Variants in TANGO2 observed in about 807,000 individuals in gnomAD.
The protein encoded by TANGO2 is transport and golgi organization 2 homolog.
In TANGO2, 26 loss-of-function variants were observed where a neutral mutation model predicts 39.1. The observed-to-expected ratio is 0.67, with a 90% CI of 0.49 to 0.92. The LOEUF is 0.92. Among genes scored for constraint, TANGO2 ranks in the 40% least tolerant of loss-of-function variants. The pLI is 0.00. For missense variants in TANGO2, 326 were observed against 360.1 expected, an observed-to-expected ratio of 0.91 and a Z score of 0.77; for synonymous variants, 131 against 144.5, an observed-to-expected ratio of 0.91 and a Z score of 0.67.
At chr22:20,051,948 G>A (rs949727969) in intron 3 of TANGO2, among the ~76,000 whole-genome samples, 1 of 152,204 alleles carries the variant, frequency 6.6e-6, no homozygotes, top group Non-Finnish European at 1.5e-5. Context: ...GTCTAAGAAG[G>A]AGCCCTCCTG....
At chr22:20,053,627 G>A in intron 5 of TANGO2, 76 bp downstream of exon 5, 1 of 947,120 alleles carries the variant, frequency 1.1e-6, no homozygotes, top group Non-Finnish European at 1.7e-6. Context: ...TCAGGAAGTG[G>A]GGTTCCACTG....
upstream of TANGO2, among the ~76,000 whole-genome samples, chr22:20,020,860 G>C (rs2039526839): frequency 6.6e-6 from 1 of 152,128 alleles, no homozygotes; most frequent in Non-Finnish European, 1.5e-5. Context: ...TGCAGGCAGG[G>C]AGCCGCGGAG....
intron 2 of TANGO2, among the ~76,000 whole-genome samples, chr22:20,043,029 C>G (rs2044272773): frequency 2.6e-5 from 4 of 152,120 alleles, no homozygotes; most frequent in Admixed American, 2.6e-4. Flanking sequence ...CCCCCACCCT[C>G]CAGCCTGGGC....
chr22:20,056,529 TC>T (rs762774251), intron 6 of TANGO2: 17 of 456,494 alleles, frequency 3.7e-5, no homozygotes, highest in Non-Finnish European at 7.5e-5. Context: ...GCTGGGCCCT[TC>T]CTGCCCTGGC....
chr22:20,032,656 G>A (rs886833837), intron 1 of TANGO2, among the ~76,000 whole-genome samples: 3 of 152,250 alleles, frequency 2.0e-5, no homozygotes, highest in Non-Finnish European at 2.9e-5. Flanking sequence ...CAGGCAGGGC[G>A]GAGCCTCACC....
intron 1 of TANGO2, among the ~76,000 whole-genome samples, chr22:20,032,709 G>C (rs563335031): frequency 8.0e-4 from 122 of 152,344 alleles, no homozygotes; most frequent in African/African-American, 2.8e-3. Flanking sequence ...CAACCCTCCT[G>C]TAGAGTTGGC....
intron 3 of TANGO2, among the ~76,000 whole-genome samples, chr22:20,049,682 AAAG>A (rs1264581158): frequency 2.0e-5 from 3 of 151,976 alleles, no homozygotes; most frequent in Admixed American, 1.3e-4. Flanking sequence ...AAAAAAGAAA[AAAG>A]AAATCAGGCA....
intron 2 of TANGO2, among the ~76,000 whole-genome samples, chr22:20,042,323 A>T (rs2044113909): frequency 6.6e-6 from 1 of 152,096 alleles, no homozygotes; most frequent in South Asian, 2.1e-4. Context: ...TCTAATGGAC[A>T]TTGCAGGAAC....
chr22:20,043,390 GC>G lies in TANGO2; in HGVS notation c.94del (p.Arg32AspfsTer5). 6.2e-7 allele frequency: 1 copy of G among 1,613,672 alleles called. No individual in the cohort carries two copies. Among genetic ancestry groups the G allele is most frequent in the South Asian group, 1.1e-5 (1 of 91,032 alleles). On this transcript the variant is annotated frameshift_variant, in exon 3 of 9. Coordinates refer to ENST00000327374, the MANE Select transcript of TANGO2 (RefSeq NM_152906.7). LOFTEE classifies it high-confidence loss of function. The stretch of plus-strand genomic sequence containing the variant: ...GCAGCCAACAGGGATGAATTCTACA[GC>G]CGACCCTCCAAGTTAGCTGACTTCT... ...ILAANRDEFY[S>X]RPSKLADFWG...
intron 2 of TANGO2, among the ~76,000 whole-genome samples, chr22:20,039,782 G>T (rs531670003): frequency 6.6e-6 from 1 of 151,972 alleles, no homozygotes; most frequent in African/African-American, 2.4e-5. Context: ...TGGATCTCAG[G>T]CCAGAGTACC....
At chr22:20,061,730 A>G (rs1198121932) in intron 7 of TANGO2, 47 bp downstream of exon 7, 12 of 1,499,526 alleles carry the variant, frequency 8.0e-6, no homozygotes, top group Non-Finnish European at 9.9e-6. Context: ...TCCCGCCACC[A>G]GGGCAGAGGG....
upstream of TANGO2, among the ~76,000 whole-genome samples, chr22:20,019,752 A>T (rs1265582865): frequency 6.6e-6 from 1 of 151,908 alleles, no homozygotes; most frequent in Non-Finnish European, 1.5e-5. Context: ...CACCACCACC[A>T]CCTCTTGGCC....
rs2047537749 is a variant in TANGO2, at chr22:20,057,218, G to A, written c.451+1205G>A. ...ATCCCACCTGCATCTTAGGGGGCTGGTGGTGCTGACGGGCTCATCATGAGT... is the reference window on the plus strand; with the variant it reads ...ATCCCACCTGCATCTTAGGGGGCTGATGGTGCTGACGGGCTCATCATGAGT... On this transcript the variant is annotated intron_variant, in intron 6 of 8. Transcript: ENST00000327374. The surrounding 1 kb of genome is among the most constrained non-coding windows in gnomAD (Gnocchi z 4.1). 6.6e-6 allele frequency among the ~76,000 whole-genome samples: 1 copy of A among 152,150 alleles called. No individual in the cohort carries two copies. Among genetic ancestry groups the A allele is most frequent in the Non-Finnish European group, 1.5e-5 (1 of 68,022 alleles).
rs1302226507 is a variant in TANGO2 at position 20,066,222 on chromosome 22, G to C, written c.*1560G>C. 2.0e-5 allele frequency: 3 copies of C among 153,324 alleles called. No homozygotes were observed. The highest frequency in any genetic ancestry group is 7.2e-5 in the African/African-American group (3 of 41,494). 9.5% of individuals were successfully genotyped at this position (153,324 alleles called of 1,614,324 possible). On this transcript the variant is annotated 3_prime_UTR_variant, in exon 9 of 9. Coordinates refer to ENST00000327374, the MANE Select transcript of TANGO2 (RefSeq NM_152906.7). ...AGGCAGGCTGGCCTGGACTTCTGTTGGATGATGGGGGCCAGGGGATGGTAG... is the reference window on the plus strand; with the variant it reads ...AGGCAGGCTGGCCTGGACTTCTGTTCGATGATGGGGGCCAGGGGATGGTAG...
chr22:20,051,017 A>C (rs2046245424), intron 3 of TANGO2, among the ~76,000 whole-genome samples: 1 of 150,100 alleles, frequency 6.7e-6, no homozygotes. Context: ...ATGCACCACC[A>C]CGCCTGGCTA....
intron 3 of TANGO2, 111 bp downstream of exon 3, chr22:20,043,554 T>C (rs1602093197): frequency 2.6e-6 from 2 of 763,398 alleles, no homozygotes; most frequent in South Asian, 3.5e-5. Flanking sequence ...GATGGCGGGG[T>C]GTAGAGGTGG....
At chr22:20,022,125 T>C (rs1387062722) in intron 1 of TANGO2, among the ~76,000 whole-genome samples, 1 of 152,270 alleles carries the variant, frequency 6.6e-6, no homozygotes, top group Non-Finnish European at 1.5e-5. Context: ...TCACGCTAGC[T>C]CATTTGCCTC....
intron 8 of TANGO2, 51 bp downstream of exon 8, chr22:20,063,493 A>T: frequency 2.7e-6 from 4 of 1,495,672 alleles, no homozygotes; most frequent in Non-Finnish European, 3.7e-6. Context: ...CCCACCTCCC[A>T]CGCTAGAGGG....
chr22:20,057,127 C>G lies in TANGO2; in HGVS notation c.451+1114C>G, dbSNP rs778224240. 2.7e-6 allele frequency: 1 copy of G among 368,390 alleles called. No individual in the cohort carries two copies. Among genetic ancestry groups the G allele is most frequent in the Non-Finnish European group, 5.4e-6 (1 of 184,138 alleles). The allele number at this position is 368,390 out of a possible 1,614,324, so 22.8% of individuals were successfully genotyped here. A position where few individuals can be genotyped will look rare whatever the true frequency, so the allele number is the denominator to read the frequency against. ...CTGGGTGTACACGGTGGAACTGAAG[C>G]CCCAGGCGTCCCTGGAGGGGCCCGA... On this transcript the variant is annotated intron_variant, in intron 6 of 8. Transcript: ENST00000327374. This position sits in a 1 kb window ranked among gnomAD's most constrained non-coding sequence, Gnocchi z 4.1.
Sources: gnomAD v4.1 joint callset for allele counts (sites outside exome capture counted in the v4.1 genomes callset) on GRCh38, gnomAD v4.1.1 for gene constraint, Gnocchi (gnomAD v3.1) non-coding constraint, MANE v1.5 for transcripts, NCBI Gene and HGNC (gene_info 2026-07-23, HGNC 2026-07-21) for gene names.